KCNB2: variants seen among roughly 807,000 people sequenced by gnomAD.
The protein encoded by KCNB2 is delayed rectifier potassium channel protein.
A neutral mutation model predicts 61.5 loss-of-function variants in KCNB2; 15 were observed. The ratio of observed to expected loss-of-function variants is 0.24; its 90% confidence interval spans 0.16 to 0.38. KCNB2 has a LOEUF of 0.38. Among genes scored for constraint, KCNB2 ranks in the 10% least tolerant of loss-of-function variants. KCNB2 has a pLI of 1.00. For missense variants in KCNB2, 828 were observed against 1,125.2 expected (o/e 0.74, Z 3.78); for synonymous variants, 457 against 446.0 (o/e 1.02, Z -0.31).
At chr8:72,689,660 C>G (rs1292784686) in intron 2 of KCNB2, among the ~76,000 whole-genome samples, 1 of 152,062 alleles carries the variant, frequency 6.6e-6, no homozygotes, top group Non-Finnish European at 1.5e-5. Context: ...TGTATGTGAT[C>G]TTTGTGTTTG....
intron 2 of KCNB2, among the ~76,000 whole-genome samples, chr8:72,886,272 C>T (rs965585171): frequency 5.9e-5 from 9 of 152,170 alleles, no homozygotes; most frequent in Non-Finnish European, 1.0e-4. Context: ...TCTGCATTGT[C>T]ACCTTGTAGA....
intron 2 of KCNB2, among the ~76,000 whole-genome samples, chr8:72,849,936 C>T (rs1271195649): frequency 2.0e-5 from 3 of 152,096 alleles, no homozygotes; most frequent in Non-Finnish European, 4.4e-5. Context: ...CAGTTATCTA[C>T]AACACCCACC....
At chr8:72,686,812 T>G (rs1806860689) in intron 2 of KCNB2, among the ~76,000 whole-genome samples, 1 of 152,202 alleles carries the variant, frequency 6.6e-6, no homozygotes, top group Non-Finnish European at 1.5e-5. Flanking sequence ...ACTCAGAGAT[T>G]AAACCCACGT....
At chr8:72,715,885 A>G (rs1456998539) in intron 2 of KCNB2, among the ~76,000 whole-genome samples, 1 of 152,214 alleles carries the variant, frequency 6.6e-6, no homozygotes, top group Non-Finnish European at 1.5e-5. Context: ...TGGTTTTTTG[A>G]AAAGATCATC....
Position 72,815,333 on chromosome 8 carries a change from A to T in KCNB2, c.580-120602A>T, listed in dbSNP as rs1245439446. On this transcript the variant is annotated intron_variant, in intron 2 of 2. Transcript: ENST00000523207. ...TCTATCCAGAATGTACTCAGACATA[A>T]GTGCTAAAAAAAAATAAGGAAAGCC... Among the ~76,000 whole-genome samples the T allele has an allele frequency of 2.0e-5, 3 of 152,104 alleles. No homozygotes were observed. The South Asian group carries it at 6.2e-4, about 32-fold the overall frequency.
chr8:72,581,280 A>G (rs1396513048), intron 2 of KCNB2, among the ~76,000 whole-genome samples: 1 of 151,976 alleles, frequency 6.6e-6, no homozygotes, highest in Admixed American at 6.6e-5. Context: ...CTCAGCTCAT[A>G]TGTCACGCTC....
chr8:72,932,297 A>T (rs1176878334), intron 2 of KCNB2, among the ~76,000 whole-genome samples: 1 of 152,212 alleles, frequency 6.6e-6, no homozygotes. Flanking sequence ...GTAAGTGTGC[A>T]TTCATCTAAA....
At chr8:72,919,160 C>A (rs1015215383) in intron 2 of KCNB2, among the ~76,000 whole-genome samples, 2 of 152,266 alleles carry the variant, frequency 1.3e-5, no homozygotes, top group African/African-American at 4.8e-5. Context: ...GTATGTTACA[C>A]CATAGCATTA....
chr8:72,793,788 A>C (rs1295331807), intron 2 of KCNB2, among the ~76,000 whole-genome samples: 4 of 152,232 alleles, frequency 2.6e-5, no homozygotes, highest in Non-Finnish European at 5.9e-5. Context: ...CAGAAAATAC[A>C]CTGCATGAAC....
At chr8:72,613,849 A>G (rs956761066) in intron 2 of KCNB2, among the ~76,000 whole-genome samples, 2 of 152,226 alleles carry the variant, frequency 1.3e-5, no homozygotes, top group African/African-American at 4.8e-5. Context: ...CATCACCAGA[A>G]TGAAGTAACG....
intron 2 of KCNB2, among the ~76,000 whole-genome samples, chr8:72,837,474 G>A (rs1809800981): frequency 6.6e-6 from 1 of 152,142 alleles, no homozygotes; most frequent in African/African-American, 2.4e-5. Context: ...CAGATAGACA[G>A]GCACCATCCT....
intron 2 of KCNB2, among the ~76,000 whole-genome samples, chr8:72,829,029 C>T (rs761318427): frequency 6.6e-6 from 1 of 152,190 alleles, no homozygotes; most frequent in African/African-American, 2.4e-5. Context: ...TCCCTCCTCC[C>T]GTGATTCATT....
intron 1 of KCNB2, among the ~76,000 whole-genome samples, chr8:72,555,635 A>G (rs1210765286): frequency 1.3e-5 from 2 of 149,690 alleles, no homozygotes; most frequent in African/African-American, 4.8e-5. Context: ...TAACAATATT[A>G]AAGAAGAATT....
intron 2 of KCNB2, among the ~76,000 whole-genome samples, chr8:72,771,399 C>T (rs187072486): frequency 3.3e-4 from 51 of 152,240 alleles, no homozygotes; most frequent in Admixed American, 1.4e-3. Context: ...GCTTTCATCA[C>T]ATCAACTTTC....
At chr8:72,830,479 C>T (rs1039982508) in intron 2 of KCNB2, among the ~76,000 whole-genome samples, 20 of 152,130 alleles carry the variant, frequency 1.3e-4, no homozygotes, top group Admixed American at 3.3e-4. Context: ...CAAGTCAACC[C>T]ACTCCTTATT....
intron 2 of KCNB2, among the ~76,000 whole-genome samples, chr8:72,573,974 A>G (rs1235723929): frequency 6.6e-6 from 1 of 152,226 alleles, no homozygotes; most frequent in African/African-American, 2.4e-5. Context: ...AACATAGCAT[A>G]AGAGTTCAGA....
At chr8:72,712,241 G>C (rs951691120) in intron 2 of KCNB2, among the ~76,000 whole-genome samples, 1 of 152,214 alleles carries the variant, frequency 6.6e-6, no homozygotes, top group African/African-American at 2.4e-5. Flanking sequence ...AGGGAGAGAA[G>C]AAGGAGCATA....
At chr8:72,557,454 C>T (rs1457125704) in intron 1 of KCNB2, among the ~76,000 whole-genome samples, 1 of 151,776 alleles carries the variant, frequency 6.6e-6, no homozygotes, top group Admixed American at 6.6e-5. Flanking sequence ...TTGAAGAGAC[C>T]CTCACCAGAC....
intron 2 of KCNB2, among the ~76,000 whole-genome samples, chr8:72,718,812 A>G (rs1807494852): frequency 6.6e-6 from 1 of 152,160 alleles, no homozygotes; most frequent in African/African-American, 2.4e-5. Context: ...TGAAAGCATA[A>G]TAATAATAAA....
Sources: gnomAD v4.1 joint callset for allele counts (sites outside exome capture counted in the v4.1 genomes callset) on GRCh38, gnomAD v4.1.1 for gene constraint, MANE v1.5 for transcripts, NCBI Gene and HGNC (gene_info 2026-07-23, HGNC 2026-07-21) for gene names.